FSTL4: variants seen among roughly 807,000 people sequenced by gnomAD.
The protein encoded by FSTL4 is follistatin like 4, also known as follistatin-related protein 4.
Under a neutral mutation model 78.2 loss-of-function variants are expected in FSTL4, and 28 were observed. That is an observed-to-expected ratio of 0.36 (90% confidence interval 0.27 to 0.49). FSTL4 has a LOEUF of 0.49. FSTL4 is among the 20% of genes least tolerant of loss of function. FSTL4 has a pLI of 0.98. For missense variants in FSTL4, 922 were observed against 1,084.9 expected (o/e 0.85, Z 2.11); for synonymous variants, 422 against 440.5 (o/e 0.96, Z 0.53).
intron 3 of FSTL4, among the ~76,000 whole-genome samples, chr5:133,422,537 G>A (rs146641005): frequency 6.6e-6 from 1 of 151,196 alleles, no homozygotes; most frequent in Non-Finnish European, 1.5e-5. Flanking sequence ...GGGGGAAAAC[G>A]TGTCAAGACC....
chr5:133,378,724 T>G (rs1421244527), intron 4 of FSTL4, among the ~76,000 whole-genome samples: 1 of 152,112 alleles, frequency 6.6e-6, no homozygotes, highest in African/African-American at 2.4e-5. Flanking sequence ...TAAGTTATGA[T>G]GTATATGGTA....
chr5:133,762,668 G>A, the FSTL4 span, among the ~76,000 whole-genome samples: 5 of 152,146 alleles, frequency 3.3e-5, no homozygotes, highest in Non-Finnish European at 7.3e-5. Flanking sequence ...TATCTTCAGA[G>A]CAGGTTTGCT....
At chr5:133,259,725 G>A (rs1752473374) in intron 6 of FSTL4, among the ~76,000 whole-genome samples, 1 of 152,092 alleles carries the variant, frequency 6.6e-6, no homozygotes, top group South Asian at 2.1e-4. Flanking sequence ...AGGAGGCCAA[G>A]GCAGTAGTTC....
the FSTL4 span, among the ~76,000 whole-genome samples, chr5:133,676,795 G>C: frequency 6.6e-6 from 1 of 152,162 alleles, no homozygotes; most frequent in South Asian, 2.1e-4. Flanking sequence ...TATATTTGCA[G>C]ACCAGTCCCT....
At chr5:133,745,241 A>G in the FSTL4 span, among the ~76,000 whole-genome samples, 431 of 152,376 alleles carry the variant, frequency 2.8e-3, 4 homozygotes, top group Middle Eastern at 0.058. Context: ...AGGGCCTTCT[A>G]TGGACCCAGC....
chr5:133,224,439 T>C, intron 10 of FSTL4: 1 of 408,228 alleles, frequency 2.4e-6, no homozygotes, highest in Admixed American at 4.3e-5. Context: ...GATTCTTAAG[T>C]GAATCTTTGA....
At chr5:133,718,553 A>G in the FSTL4 span, among the ~76,000 whole-genome samples, 4 of 152,208 alleles carry the variant, frequency 2.6e-5, no homozygotes, top group Non-Finnish European at 4.4e-5. Context: ...TTATTTTCTA[A>G]TGTCTTATTT....
chr5:133,597,597 C>T (rs573045041), intron 2 of FSTL4, among the ~76,000 whole-genome samples: 7 of 152,296 alleles, frequency 4.6e-5, no homozygotes, highest in Admixed American at 1.3e-4. Flanking sequence ...CAGAACTTTT[C>T]AGGGCCAATT....
the FSTL4 span, among the ~76,000 whole-genome samples, chr5:133,703,368 T>C: frequency 6.6e-6 from 1 of 152,256 alleles, no homozygotes; most frequent in Non-Finnish European, 1.5e-5. Flanking sequence ...GGAGAAAGCA[T>C]TTACAAAGCC....
intron 6 of FSTL4, among the ~76,000 whole-genome samples, chr5:133,284,474 GT>G (rs1446369056): frequency 1.3e-5 from 2 of 152,234 alleles, no homozygotes; most frequent in Non-Finnish European, 2.9e-5. Flanking sequence ...GGCAGCAGTA[GT>G]TTTGCTGCTG....
intron 3 of FSTL4, among the ~76,000 whole-genome samples, chr5:133,548,429 A>C (rs371828770): frequency 1.3e-5 from 2 of 152,312 alleles, no homozygotes; most frequent in Non-Finnish European, 2.9e-5. Flanking sequence ...TTCAGACTAC[A>C]CAAAAAGGCT....
At chr5:133,314,163 G>A (rs1348294068) in intron 5 of FSTL4, among the ~76,000 whole-genome samples, 1 of 152,200 alleles carries the variant, frequency 6.6e-6, no homozygotes, top group Non-Finnish European at 1.5e-5. Flanking sequence ...TCCCTGCTCG[G>A]TAGTTTGAGG....
chr5:133,413,927 A>G (rs1467370649), intron 3 of FSTL4, among the ~76,000 whole-genome samples: 1 of 152,038 alleles, frequency 6.6e-6, no homozygotes, highest in Non-Finnish European at 1.5e-5. Flanking sequence ...CATATTTTTA[A>G]TTTTTAAAAA....
the FSTL4 span, among the ~76,000 whole-genome samples, chr5:133,696,090 C>T: frequency 2.0e-5 from 3 of 152,210 alleles, no homozygotes; most frequent in African/African-American, 7.2e-5. Flanking sequence ...CTCTTATTCC[C>T]ACTGTGTCGT....
intron 3 of FSTL4, among the ~76,000 whole-genome samples, chr5:133,456,237 A>G (rs1358227152): frequency 6.6e-6 from 1 of 152,158 alleles, no homozygotes; most frequent in Non-Finnish European, 1.5e-5. Context: ...ATGCACATAC[A>G]CACACCCTAG....
intron 4 of FSTL4, among the ~76,000 whole-genome samples, chr5:133,354,609 C>G (rs1392212070): frequency 1.3e-5 from 2 of 152,234 alleles, no homozygotes; most frequent in Non-Finnish European, 2.9e-5. Flanking sequence ...AGAGTTTGAA[C>G]TCATCCCTCC....
At chr5:133,784,617 C>T in the FSTL4 span, among the ~76,000 whole-genome samples, 1 of 152,052 alleles carries the variant, frequency 6.6e-6, no homozygotes, top group Non-Finnish European at 1.5e-5. Flanking sequence ...AAGTCCAGAT[C>T]CTGTGATATT....
At chr5:133,804,776 C>T in the FSTL4 span, among the ~76,000 whole-genome samples, 1 of 151,914 alleles carries the variant, frequency 6.6e-6, no homozygotes, top group Non-Finnish European at 1.5e-5. Context: ...AACCCCATCT[C>T]TACTAAAAAT....
At chr5:133,797,644 G>A in the FSTL4 span, among the ~76,000 whole-genome samples, 2 of 152,102 alleles carry the variant, frequency 1.3e-5, no homozygotes, top group African/African-American at 4.8e-5. Flanking sequence ...CCAAGAGGGG[G>A]TCCGTTTAGT....
Sources: gnomAD v4.1 joint callset for allele counts (sites outside exome capture counted in the v4.1 genomes callset) on GRCh38, gnomAD v4.1.1 for gene constraint, MANE v1.5 for transcripts, NCBI Gene and HGNC (gene_info 2026-07-23, HGNC 2026-07-21) for gene names.